SLC25A30: variants seen among roughly 807,000 people sequenced by gnomAD.
SLC25A30 encodes the protein kidney mitochondrial carrier protein 1.
In SLC25A30, 29 loss-of-function variants were observed where a neutral mutation model predicts 42.7. The observed-to-expected ratio is 0.68, with a 90% CI of 0.51 to 0.93. The LOEUF is 0.93. SLC25A30 is among the 40% of genes least tolerant of loss of function. The pLI, the probability that SLC25A30 is intolerant of heterozygous loss-of-function variation, is 0.00. For synonymous variants in SLC25A30, 124 were observed against 131.0 expected (o/e 0.95, Z 0.37); for missense variants, 300 against 359.7 (o/e 0.83, Z 1.34).
chr13:45,405,739 A>C (rs1882435233), intron 4 of SLC25A30, 144 bp downstream of exon 4: 1 of 649,840 alleles, frequency 1.5e-6, no homozygotes, highest in African/African-American at 1.8e-5. Context: ...CTTTCAGCAC[A>C]ATTAACTAAG....
At chr13:45,423,769 AATATATAAAT>A in the SLC25A30 span, among the ~76,000 whole-genome samples, 1 of 56,490 alleles carries the variant, frequency 1.8e-5, no homozygotes, top group African/African-American at 7.9e-5. Context: ...AATATATAAA[AATATATAAAT>A]ATATAAATAT....
chr13:45,425,550 AAGT>A, the SLC25A30 span, among the ~76,000 whole-genome samples: 32 of 97,194 alleles, frequency 3.3e-4, no homozygotes, highest in African/African-American at 1.1e-3. Context: ...ATATATATAT[AAGT>A]ATATATATAA....
At chr13:45,397,214 T>C in intron 9 of SLC25A30, 44 bp downstream of exon 9, 1 of 1,240,624 alleles carries the variant, frequency 8.1e-7, no homozygotes, top group South Asian at 1.2e-5. Flanking sequence ...ATAGTATTCT[T>C]TAGCTGTATC....
the SLC25A30 span, among the ~76,000 whole-genome samples, chr13:45,424,604 TATAA>T: frequency 4.2e-5 from 3 of 70,908 alleles, 1 homozygote; most frequent in Non-Finnish European, 7.6e-5. Context: ...TATAAATATA[TATAA>T]ATATATATAA....
chr13:45,407,873 G>A (rs1882662251), intron 3 of SLC25A30, among the ~76,000 whole-genome samples: 1 of 152,122 alleles, frequency 6.6e-6, no homozygotes, highest in Admixed American at 6.6e-5. Context: ...GTCACGTAGT[G>A]CTATCAGTCC....
At chr13:45,423,555 A>G in the SLC25A30 span, among the ~76,000 whole-genome samples, 14 of 47,310 alleles carry the variant, frequency 3.0e-4, no homozygotes, top group African/African-American at 1.0e-3. Context: ...TAAATACATA[A>G]AAAAAATATA....
chr13:45,426,224 C>T, the SLC25A30 span, among the ~76,000 whole-genome samples: 2 of 151,758 alleles, frequency 1.3e-5, no homozygotes, highest in African/African-American at 4.8e-5. Flanking sequence ...GTGGCTGGGA[C>T]TACAGGCGTG....
At chr13:45,425,880 A>T in the SLC25A30 span, among the ~76,000 whole-genome samples, 1 of 146,158 alleles carries the variant, frequency 6.8e-6, no homozygotes, top group Non-Finnish European at 1.5e-5. Context: ...TTTAGTGGAG[A>T]CAGGGTTTCA....
the SLC25A30 span, among the ~76,000 whole-genome samples, chr13:45,428,256 A>T: frequency 2.0e-5 from 3 of 149,324 alleles, no homozygotes; most frequent in Non-Finnish European, 4.5e-5. Flanking sequence ...TCTGTCGCCC[A>T]GGAGTGCAGT....
chr13:45,413,865 TTTAA>T (rs1883246874), intron 1 of SLC25A30, among the ~76,000 whole-genome samples: 1 of 152,236 alleles, frequency 6.6e-6, no homozygotes, highest in African/African-American at 2.4e-5. Flanking sequence ...CTAGTTAAGT[TTTAA>T]TGAGATTTGG....
rs1881197821 is a variant in SLC25A30 at position 45,394,872 on chromosome 13, ATAAAC to A, written c.*1097_*1101del. Reference sequence around the variant, plus strand: ...ACAGAAAGTCCAAGACAGGCACAACATAAACTAAAGTAAAAACTGGAAACCTGGAA... The same window carrying A: ...ACAGAAAGTCCAAGACAGGCACAACATAAAGTAAAAACTGGAAACCTGGAA... On this transcript the variant is annotated 3_prime_UTR_variant, in exon 10 of 10. Transcript: ENST00000519676. The A allele has an allele frequency of 3.0e-6, 3 of 985,468 alleles. No homozygotes were observed. The highest frequency in any genetic ancestry group is 1.2e-6 in the Non-Finnish European group (1 of 829,920). 61.0% of individuals were successfully genotyped at this position (985,468 alleles called of 1,614,324 possible). A position where few individuals can be genotyped will look rare whatever the true frequency, so the allele number is the denominator to read the frequency against.
intron 2 of SLC25A30, among the ~76,000 whole-genome samples, chr13:45,410,464 G>A (rs113386852): frequency 0.02 from 2,987 of 152,218 alleles, 88 homozygotes; most frequent in African/African-American, 0.068. Context: ...CTTGGGAGTC[G>A]AGACCAGCCT....
At chr13:45,423,785 A>AAT in the SLC25A30 span, among the ~76,000 whole-genome samples, 1 of 43,260 alleles carries the variant, frequency 2.3e-5, no homozygotes, top group Non-Finnish European at 4.5e-5. Flanking sequence ...TAAATATATA[A>AAT]ATATATAAAT....
At chr13:45,430,281 T>C in the SLC25A30 span, among the ~76,000 whole-genome samples, 1 of 151,932 alleles carries the variant, frequency 6.6e-6, no homozygotes, top group Non-Finnish European at 1.5e-5. Context: ...TGTGTGAGGA[T>C]GAGTGATAGG....
At chr13:45,402,574 CA>C (rs1882100961) in intron 5 of SLC25A30, among the ~76,000 whole-genome samples, 1 of 152,084 alleles carries the variant, frequency 6.6e-6, no homozygotes. Flanking sequence ...CTGAGATCTC[CA>C]AAAAGCATCT....
chr13:45,413,975 T>G (rs1341701698), intron 1 of SLC25A30, among the ~76,000 whole-genome samples: 4 of 152,204 alleles, frequency 2.6e-5, no homozygotes, highest in Admixed American at 2.0e-4. Context: ...AATACTTAAC[T>G]AGAGCTAAAA....
At chr13:45,425,140 A>G in the SLC25A30 span, among the ~76,000 whole-genome samples, 11 of 93,728 alleles carry the variant, frequency 1.2e-4, 1 homozygote, top group Admixed American at 1.8e-4. Context: ...GTATATAAAT[A>G]TATATAAATA....
At chr13:45,415,766 G>A (rs942847728) in intron 1 of SLC25A30, among the ~76,000 whole-genome samples, 23 of 130,438 alleles carry the variant, frequency 1.8e-4, no homozygotes, top group Admixed American at 3.0e-4. Context: ...AAAAAAAAAA[G>A]AAAGAAAGCT....
chr13:45,393,555 CAAAAA>C lies in SLC25A30; in HGVS notation c.*2414_*2418del. On this transcript the variant is annotated 3_prime_UTR_variant, in exon 10 of 10. Coordinates refer to ENST00000519676, the MANE Select transcript of SLC25A30 (RefSeq NM_001010875.4). The stretch of plus-strand genomic sequence containing the variant: ...TTACACAAATCCATAAGCACACAAA[CAAAAA>C]AACCCATTGGTTATAAAAACTAGAA... 7.1e-6 allele frequency: 7 copies of C among 985,174 alleles called. No individual in the cohort carries two copies. Among genetic ancestry groups the C allele is most frequent in the Non-Finnish European group, 8.4e-6 (7 of 829,842 alleles). The allele number at this position is 985,174 out of a possible 1,614,324, so 61.0% of individuals were successfully genotyped here.
Sources: allele counts gnomAD v4.1 joint callset (sites outside exome capture counted in the v4.1 genomes callset), GRCh38; gene constraint gnomAD v4.1.1; transcripts MANE v1.5; gene names NCBI Gene and HGNC (gene_info 2026-07-23, HGNC 2026-07-21).